The following KSR2 variants were observed in gnomAD, a reference collection of about 807,000 sequenced individuals.
KSR2 encodes the protein kinase suppressor of ras 2.
A neutral mutation model predicts 107.8 loss-of-function variants in KSR2; 25 were observed. That is an observed-to-expected ratio of 0.23 (90% CI 0.17 to 0.32). KSR2 has a LOEUF of 0.32. Among genes scored for constraint, KSR2 ranks in the 10% least tolerant of loss-of-function variants. KSR2 has a pLI of 1.00. For synonymous variants in KSR2, 480 were observed against 507.0 expected (o/e 0.95, Z 0.71); for missense variants, 887 against 1,268.9 (o/e 0.70, Z 4.57).
chr12:117,648,400 G>A (rs543336194), intron 5 of KSR2, among the ~76,000 whole-genome samples: 3 of 152,204 alleles, frequency 2.0e-5, no homozygotes, highest in South Asian at 2.1e-4. Context: ...GACCCCTAAC[G>A]TCCTCAATCT....
chr12:117,680,494 G>A (rs1885320664), intron 4 of KSR2, among the ~76,000 whole-genome samples: 1 of 152,088 alleles, frequency 6.6e-6, no homozygotes, highest in Non-Finnish European at 1.5e-5. Flanking sequence ...CCCCAGCATT[G>A]AAGGGTGAGA....
chr12:117,600,360 G>A (rs550180272), intron 5 of KSR2, among the ~76,000 whole-genome samples: 32 of 152,306 alleles, frequency 2.1e-4, no homozygotes, highest in East Asian at 1.5e-3. Context: ...CCTGATGGAT[G>A]GGTGCAGAGG....
In KSR2 at chr12:117,623,975, G is replaced by A. The variant is rs1172234326; in HGVS notation, c.1172-41616C>T. Reference sequence around the variant, plus strand: ...TGGTTTTGATTTGCATTTCTCTGATGGCCAGTGATGATGAGCATTTTTTCA... The same window carrying A: ...TGGTTTTGATTTGCATTTCTCTGATAGCCAGTGATGATGAGCATTTTTTCA... On this transcript the variant is annotated intron_variant, in intron 5 of 19. Coordinates refer to ENST00000339824, the MANE Select transcript of KSR2 (RefSeq NM_173598.6). 2.6e-5 allele frequency among the ~76,000 whole-genome samples: 4 copies of A among 152,294 alleles called. 1 individual carries two copies. Among genetic ancestry groups the A allele is most frequent in the African/African-American group, 9.6e-5 (4 of 41,564 alleles).
At chr12:117,563,847 C>A (rs771968061) in intron 7 of KSR2, among the ~76,000 whole-genome samples, 5 of 152,140 alleles carry the variant, frequency 3.3e-5, no homozygotes, top group Non-Finnish European at 7.3e-5. Flanking sequence ...CCCCCAAGCA[C>A]CTGCTCTTTG....
At chr12:117,936,575 G>GT (rs1441078025) in intron 1 of KSR2, among the ~76,000 whole-genome samples, 3 of 150,840 alleles carry the variant, frequency 2.0e-5, no homozygotes, top group African/African-American at 4.9e-5. Flanking sequence ...AGTAGTAGTA[G>GT]AGACAGGGTC....
intron 3 of KSR2, among the ~76,000 whole-genome samples, chr12:117,824,789 G>A (rs920833594): frequency 6.0e-5 from 9 of 151,080 alleles, no homozygotes; most frequent in East Asian, 2.0e-4. Context: ...CCCGGGAGGC[G>A]GCGCTTGCAG....
At position 117,616,575 on chromosome 12, in the gene KSR2, T is replaced by C. The variant is rs372910678; in HGVS notation, c.1172-34216A>G. Among the ~76,000 whole-genome samples the C allele has an allele frequency of 2.6e-5, 4 of 152,264 alleles. 1 individual carries two copies. Among genetic ancestry groups the C allele is most frequent in the African/African-American group, 9.6e-5 (4 of 41,572 alleles). ...GGGTCAGCCCACTACTAAATACTGG[T>C]CAGTGAGGTCATATAAAGACCTGTG... On this transcript the variant is annotated intron_variant, in intron 5 of 19. Coordinates refer to ENST00000339824, the MANE Select transcript of KSR2 (RefSeq NM_173598.6).
chr12:117,657,384 C>T (rs1041769473), intron 5 of KSR2, among the ~76,000 whole-genome samples: 1 of 152,046 alleles, frequency 6.6e-6, no homozygotes, highest in African/African-American at 2.4e-5. Context: ...AGCCTATGGA[C>T]CTTCTAGTTA....
chr12:117,939,892 G>A (rs961666439), intron 1 of KSR2, among the ~76,000 whole-genome samples: 1 of 151,258 alleles, frequency 6.6e-6, no homozygotes. Flanking sequence ...AGTGAGCCAA[G>A]ATCGCGCCAC....
At chr12:117,576,927 A>G (rs1879317836) in intron 7 of KSR2, among the ~76,000 whole-genome samples, 1 of 152,146 alleles carries the variant, frequency 6.6e-6, no homozygotes, top group Non-Finnish European at 1.5e-5. Flanking sequence ...AAGTGCTGAG[A>G]TTACAGGCAT....
chr12:117,904,697 T>C (rs1232866717), intron 1 of KSR2, among the ~76,000 whole-genome samples: 2 of 152,180 alleles, frequency 1.3e-5, no homozygotes, highest in Non-Finnish European at 2.9e-5. Flanking sequence ...ATAGTGGCTT[T>C]AAGTATGCTG....
intron 5 of KSR2, among the ~76,000 whole-genome samples, chr12:117,630,252 C>A (rs960468652): frequency 6.6e-6 from 1 of 152,056 alleles, no homozygotes; most frequent in East Asian, 1.9e-4. Context: ...TGTAGGTGCT[C>A]GATGCTCAAT....
At chr12:117,710,007 A>T (rs1329564216) in intron 4 of KSR2, among the ~76,000 whole-genome samples, 1 of 152,234 alleles carries the variant, frequency 6.6e-6, no homozygotes, top group Non-Finnish European at 1.5e-5. Flanking sequence ...AGGGTCATGG[A>T]GTGAATCTAC....
chr12:117,642,208 A>G (rs1032025511), intron 5 of KSR2, among the ~76,000 whole-genome samples: 3 of 152,166 alleles, frequency 2.0e-5, no homozygotes, highest in African/African-American at 7.2e-5. Flanking sequence ...CATTGTCATA[A>G]TCGGCCCTTT....
At chr12:117,887,251 G>A (rs1292907338) in intron 1 of KSR2, among the ~76,000 whole-genome samples, 2 of 151,232 alleles carry the variant, frequency 1.3e-5, no homozygotes, top group Admixed American at 6.6e-5. Context: ...CTTCTTTTTC[G>A]GTTTTTGTTT....
intron 5 of KSR2, among the ~76,000 whole-genome samples, chr12:117,623,555 G>T (rs914838927): frequency 5.3e-5 from 8 of 152,178 alleles, no homozygotes; most frequent in African/African-American, 1.7e-4. Context: ...CAAAGGACAT[G>T]AACTCATCCT....
chr12:117,453,101 TCACTAAACATTG>T lies in KSR2; in HGVS notation c.*14086_*14097del, dbSNP rs1566110967. 6.6e-6 allele frequency: 1 copy of T among 152,648 alleles called. No homozygotes were observed. The highest frequency in any genetic ancestry group is 1.5e-5 in the Non-Finnish European group (1 of 68,042). 9.5% of individuals were successfully genotyped at this position (152,648 alleles called of 1,614,324 possible). On this transcript the variant is annotated 3_prime_UTR_variant, in exon 20 of 20. Coordinates refer to ENST00000339824, the MANE Select transcript of KSR2 (RefSeq NM_173598.6). ...CATAAATAATTCAGACATTGGTTTC[TCACTAAACATTG>T]CACTAAACACAAGAAACAACAGGCT...
At chr12:117,716,696 C>T (rs980677399) in intron 4 of KSR2, among the ~76,000 whole-genome samples, 2 of 152,200 alleles carry the variant, frequency 1.3e-5, no homozygotes. Context: ...AGACTTCTTA[C>T]TAATTAGCTC....
At chr12:117,472,583 A>G (rs991349537) in intron 17 of KSR2, among the ~76,000 whole-genome samples, 7 of 152,226 alleles carry the variant, frequency 4.6e-5, no homozygotes, top group African/African-American at 1.7e-4. Context: ...TTTACTAATC[A>G]GAGCACTGTG....
Sources: allele counts gnomAD v4.1 joint callset (sites outside exome capture counted in the v4.1 genomes callset), GRCh38; gene constraint gnomAD v4.1.1; transcripts MANE v1.5; gene names NCBI Gene and HGNC (gene_info 2026-07-23, HGNC 2026-07-21).